TLE6: variants seen among roughly 807,000 people sequenced by gnomAD.
TLE6 encodes the protein TLE family member 6, subcortical maternal complex member.
A neutral mutation model predicts 77.1 loss-of-function variants in TLE6; 72 were observed. The observed-to-expected ratio is 0.93, with a 90% CI of 0.77 to 1.14. The LOEUF (loss-of-function observed/expected upper bound fraction) is 1.14. TLE6 is among the 50% of genes most tolerant of loss of function. The probability of loss-of-function intolerance (pLI) is 0.00; values close to 1 mark genes in which losing one functional copy is unlikely to be tolerated. For synonymous variants in TLE6, 366 were observed against 287.3 expected (o/e 1.27, Z -2.77); for missense variants, 843 against 747.6 (o/e 1.13, Z -1.49).
At chr19:2,979,077 A>G (rs8101664) in intron 2 of TLE6, among the ~76,000 whole-genome samples, 35,420 of 151,478 alleles carry the variant, frequency 0.23, 4,973 homozygotes, top group East Asian at 0.64. Context: ...TCGCCTCCCG[A>G]GTAGCTGGGA....
At chr19:2,991,143 C>A (rs1036861119) in intron 13 of TLE6, among the ~76,000 whole-genome samples, 1 of 151,372 alleles carries the variant, frequency 6.6e-6, no homozygotes, top group South Asian at 2.1e-4. Flanking sequence ...GCGGGCAGAT[C>A]ACCTGAGGTC....
intron 13 of TLE6, among the ~76,000 whole-genome samples, chr19:2,991,214 T>C (rs112018130): frequency 0.023 from 3,252 of 143,282 alleles, 124 homozygotes; most frequent in African/African-American, 0.08. Context: ...ACAAAATTAG[T>C]CAGGCGTGGT....
At chr19:2,988,268 C>A in intron 11 of TLE6, 140 bp downstream of exon 11, 1 of 983,480 alleles carries the variant, frequency 1.0e-6, no homozygotes, top group Non-Finnish European at 1.5e-6. Flanking sequence ...ACTCTGCCAT[C>A]CTCTCCAACA....
In TLE6 at chr19:2,986,071, CAAAAAAAAAAAAAAAAAAAAAA is replaced by C. The variant is rs547031586; in HGVS notation, c.223-740_223-719del. Among the ~76,000 whole-genome samples the C allele has an allele frequency of 1.7e-4, 7 of 41,276 alleles. 1 individual carries two copies. Among genetic ancestry groups the C allele is most frequent in the South Asian group, 2.1e-3 (1 of 476 alleles). The allele number at this position is 41,276 out of a possible 152,430, so 27.1% of individuals were successfully genotyped here. A position where few individuals can be genotyped will look rare whatever the true frequency, so the allele number is the denominator to read the frequency against. On this transcript the variant is annotated intron_variant, in intron 5 of 16. Transcript: ENST00000246112. ...CCTGGGCCACAGCGTGAGACTGTCT[CAAAAAAAAAAAAAAAAAAAAAA>C]AAAAAAAAAAAAAAAAAGATATATG...
At chr19:2,989,418 A>G (rs2088992210) in intron 12 of TLE6, 105 bp downstream of exon 12, 2 of 1,577,020 alleles carry the variant, frequency 1.3e-6, no homozygotes, top group Non-Finnish European at 1.7e-6. Flanking sequence ...TTCCAGGGAA[A>G]AGGGGCATAA....
chr19:2,993,966 G>T, intron 15 of TLE6, 53 bp from the exon 16 acceptor site: 2 of 1,450,340 alleles, frequency 1.4e-6, no homozygotes, highest in Middle Eastern at 1.8e-4. Context: ...GATGAACTCT[G>T]GGAAGGAAAA....
chr19:2,995,128 CTG>C lies in TLE6; in HGVS notation c.*127_*128del, dbSNP rs1156492573. The C allele has an allele frequency of 6.2e-6, 4 of 641,846 alleles. No homozygotes were observed. Among genetic ancestry groups the C allele is most frequent in the African/African-American group, 3.6e-5 (2 of 55,500 alleles). The allele number at this position is 641,846 out of a possible 1,614,324, so 39.8% of individuals were successfully genotyped here. ...CTTCTGTGGCATCGCACGATCTAGTCTGTGGTGTAGACTGGTCGCCATCACGT... is the reference window on the plus strand; with the variant it reads ...CTTCTGTGGCATCGCACGATCTAGTCTGGTGTAGACTGGTCGCCATCACGT... On this transcript the variant is annotated 3_prime_UTR_variant, in exon 17 of 17. Coordinates refer to ENST00000246112, the MANE Select transcript of TLE6 (RefSeq NM_001143986.2).
chr19:2,988,273 C>G (rs945941168), intron 11 of TLE6, 145 bp downstream of exon 11: 1 of 953,022 alleles, frequency 1.0e-6, no homozygotes, highest in Non-Finnish European at 1.6e-6. Flanking sequence ...GCCATCCTCT[C>G]CAACAGCCGC....
At chr19:2,984,918 G>A (rs1374028617) in intron 5 of TLE6, among the ~76,000 whole-genome samples, 3 of 152,100 alleles carry the variant, frequency 2.0e-5, no homozygotes, top group African/African-American at 7.2e-5. Flanking sequence ...ATTGACAGTG[G>A]TCAGATGGCT....
At position 2,987,706 on chromosome 19, in the gene TLE6, G is replaced by C. The variant is rs750836361; in HGVS notation, c.559-18G>C. The C allele has an allele frequency of 1.2e-6, 2 of 1,614,066 alleles. No individual in the cohort carries two copies. The highest frequency in any genetic ancestry group is 2.2e-5 in the South Asian group (2 of 91,052). The stretch of plus-strand genomic sequence containing the variant: ...ACAGGCAGGTCAGCAGGCCTGATGA[G>C]ACTTTTCCATTTTCCAGGGGCAGGA... On this transcript the variant is annotated intron_variant, in intron 8 of 16. Coordinates refer to ENST00000246112, the MANE Select transcript of TLE6 (RefSeq NM_001143986.2).
intron 11 of TLE6, among the ~76,000 whole-genome samples, chr19:2,988,484 GC>G (rs1200303395): frequency 3.3e-5 from 5 of 152,130 alleles, no homozygotes; most frequent in Admixed American, 1.3e-4. Context: ...TTTAGTCCCA[GC>G]TACTCGGGAG....
At chr19:2,991,570 C>T (rs1020305670) in intron 13 of TLE6, among the ~76,000 whole-genome samples, 1 of 150,950 alleles carries the variant, frequency 6.6e-6, no homozygotes, top group African/African-American at 2.4e-5. Context: ...AGACCTGCCT[C>T]AGAGCTCGGG....
rs780906999 is a variant in TLE6, at chr19:2,995,054, CT to C, written c.*52del. 4.1e-5 allele frequency: 43 copies of C among 1,051,694 alleles called. No homozygotes were observed. In the South Asian group the frequency reaches 5.2e-4, roughly 13 times the overall value. The allele number at this position is 1,051,694 out of a possible 1,614,324, so 65.1% of individuals were successfully genotyped here. A position where few individuals can be genotyped will look rare whatever the true frequency, so the allele number is the denominator to read the frequency against. ...TCCGGCTCCTCTTTTCATCCCCCCC[CT>C]TCCCCCCCCCCAACAAGGGGGACAT... is the stretch of plus-strand genomic sequence containing the variant. On this transcript the variant is annotated 3_prime_UTR_variant, in exon 17 of 17. Coordinates refer to ENST00000246112, the MANE Select transcript of TLE6 (RefSeq NM_001143986.2).
At chr19:2,993,729 T>G in intron 15 of TLE6, 147 bp downstream of exon 15, 2 of 1,074,944 alleles carry the variant, frequency 1.9e-6, no homozygotes, top group Non-Finnish European at 2.6e-6. Context: ...GCTCTTATAG[T>G]GGAATGAGGG....
At chr19:2,987,507 A>T (rs941111820) in intron 8 of TLE6, 135 bp downstream of exon 8, 2 of 1,342,192 alleles carry the variant, frequency 1.5e-6, no homozygotes, top group African/African-American at 2.9e-5. Context: ...CCCGGGGGGG[A>T]CTTGGGTGAT....
At position 2,986,462 on chromosome 19, in the gene TLE6, C is replaced by T. The variant is rs1376680413; in HGVS notation, c.223-367C>T. Among the ~76,000 whole-genome samples, 4 of 151,196 alleles carry T rather than the reference C, an allele frequency of 2.6e-5. No homozygotes were observed. The East Asian group carries it at 7.8e-4, about 29-fold the overall frequency. On this transcript the variant is annotated intron_variant, in intron 5 of 16. Coordinates refer to ENST00000246112, the MANE Select transcript of TLE6 (RefSeq NM_001143986.2). Reference sequence around the variant, plus strand: ...GGGGTGGTGGCTTATGCCTATAATCCCAGCACTTTGGGAGGCTGAGGTGGG... The same window carrying T: ...GGGGTGGTGGCTTATGCCTATAATCTCAGCACTTTGGGAGGCTGAGGTGGG...
At position 2,987,742 on chromosome 19, in the gene TLE6, C is replaced by G. The variant is rs1182261632; in HGVS notation, c.577C>G (p.Pro193Ala). The G allele has an allele frequency of 6.2e-7, 1 of 1,614,166 alleles. No homozygotes were observed. The highest frequency in any genetic ancestry group is 1.1e-5 in the South Asian group (1 of 91,086). The change falls in exon 9 of 17, where the codon CCA becomes GCA. Residue 193 changes from proline to alanine, a missense_variant. By Grantham distance (27) the Pro-to-Ala change is conservative. Transcript: ENST00000246112. Reference sequence around the variant, plus strand: ...TTTCCAGGGGCAGGAAAGCAAGGCACCAGGATCCTGTGACCCAGGAACAGA... The same window carrying G: ...TTTCCAGGGGCAGGAAAGCAAGGCAGCAGGATCCTGTGACCCAGGAACAGA... ...APGLGQESKA[P>A]GSCDPGTDPC...
rs544431920 is a variant in TLE6, at chr19:2,987,054, C to T, written c.357C>T (p.Ser119=). 102 of 1,614,112 alleles carry T rather than the reference C, an allele frequency of 6.3e-5. 2 individuals carry two copies. The South Asian group carries it at 8.3e-4, about 13-fold the overall frequency. ...AGGACAAGACCCTGCAGGAGTCGAG[C>T]TTTGAGGACATCATGGCCACCAGGT... The part of the protein sequence containing the change: ...QVKDKTLQES[S]FEDIMATRSS... Residue 119 remains serine (S), a synonymous_variant, in exon 7 of 17, where the codon AGC becomes AGT. Transcript: ENST00000246112.
chr19:2,978,993 C>G (rs1304708802), intron 2 of TLE6, among the ~76,000 whole-genome samples: 1 of 152,124 alleles, frequency 6.6e-6, no homozygotes, highest in Non-Finnish European at 1.5e-5. Context: ...TCACACTCAC[C>G]TCGGCTGGAA....
Sources: allele counts gnomAD v4.1 joint callset (sites outside exome capture counted in the v4.1 genomes callset), GRCh38; gene constraint gnomAD v4.1.1; transcripts MANE v1.5; gene names NCBI Gene and HGNC (gene_info 2026-07-23, HGNC 2026-07-21).